The following GABRG3 variants were observed in gnomAD, a reference collection of about 807,000 sequenced individuals.
GABRG3 encodes the protein gamma-aminobutyric acid type A receptor subunit gamma3, also known as gamma-aminobutyric acid receptor subunit gamma-3.
A neutral mutation model predicts 48.8 loss-of-function variants in GABRG3; 25 were observed. The ratio of observed to expected loss-of-function variants is 0.51; its 90% CI spans 0.37 to 0.72. The LOEUF is 0.72. Ranked by LOEUF, GABRG3 falls within the 30% of genes least tolerant of loss-of-function variation. The probability of loss-of-function intolerance (pLI) is 0.00; values close to 1 mark genes in which losing one functional copy is unlikely to be tolerated. For missense variants in GABRG3, 394 were observed against 577.9 expected (o/e 0.68, Z 3.26); for synonymous variants, 227 against 217.6 (o/e 1.04, Z -0.38).
At chr15:27,421,565 T>A (rs1001679738) in intron 5 of GABRG3, among the ~76,000 whole-genome samples, 49 of 144,716 alleles carry the variant, frequency 3.4e-4, no homozygotes, top group African/African-American at 1.2e-3. Context: ...TCAATACTGT[T>A]TTAAGGCATC....
intron 3 of GABRG3, among the ~76,000 whole-genome samples, chr15:27,314,506 T>G (rs542823295): frequency 1.3e-5 from 2 of 152,240 alleles, no homozygotes; most frequent in Admixed American, 6.5e-5. Context: ...AGTATGGAGA[T>G]TCCTCAAAAA....
At chr15:27,392,049 G>A (rs774849149) in intron 5 of GABRG3, among the ~76,000 whole-genome samples, 2 of 152,114 alleles carry the variant, frequency 1.3e-5, no homozygotes, top group South Asian at 4.1e-4. Context: ...AATGATCTTT[G>A]TATTTTAGAA....
At chr15:27,169,440 G>A (rs1887489680) in intron 3 of GABRG3, among the ~76,000 whole-genome samples, 1 of 152,150 alleles carries the variant, frequency 6.6e-6, no homozygotes, top group South Asian at 2.1e-4. Context: ...GGGACGAGAA[G>A]CATGTTGGTA....
intron 3 of GABRG3, among the ~76,000 whole-genome samples, chr15:27,122,722 A>G (rs1361894102): frequency 2.0e-5 from 3 of 152,174 alleles, no homozygotes; most frequent in African/African-American, 4.8e-5. Context: ...CCTTACACCA[A>G]TGGTGTCAGT....
intron 3 of GABRG3, among the ~76,000 whole-genome samples, chr15:27,309,540 A>T (rs1407052199): frequency 6.6e-6 from 1 of 152,028 alleles, no homozygotes; most frequent in Non-Finnish European, 1.5e-5. Flanking sequence ...AAGAGGATAT[A>T]AGGATGACAA....
chr15:27,532,797 G>T lies in GABRG3; in HGVS notation c.1320G>T (p.Glu440Asp). The T allele has an allele frequency of 6.2e-7, 1 of 1,613,992 alleles. No homozygotes were observed. The highest frequency in any genetic ancestry group is 8.5e-7 in the Non-Finnish European group (1 of 1,179,884). Residue 440 changes from glutamate (E) to aspartate (D), a missense_variant, in exon 10 of 10, where the codon GAG becomes GAT. Glu to Asp is a conservative substitution (Grantham distance 45). Transcript: ENST00000615808. ...RKGRIHIDIL[E>D]LDSYSRVFFP... ...GGCGTATTCACATAGACATCTTGGAGCTGGACTCGTACTCCCGGGTCTTTT... is the reference window on the plus strand; with the variant it reads ...GGCGTATTCACATAGACATCTTGGATCTGGACTCGTACTCCCGGGTCTTTT...
At chr15:27,491,221 C>T (rs558746442) in intron 6 of GABRG3, among the ~76,000 whole-genome samples, 8 of 152,352 alleles carry the variant, frequency 5.3e-5, no homozygotes, top group East Asian at 1.9e-4. Flanking sequence ...CCCCACACTG[C>T]GGCCCCTGCC....
At chr15:26,985,980 T>G (rs1487876945) in intron 2 of GABRG3, among the ~76,000 whole-genome samples, 1 of 152,164 alleles carries the variant, frequency 6.6e-6, no homozygotes, top group Non-Finnish European at 1.5e-5. Context: ...CTCGATCCAC[T>G]GTGTCCTGAT....
At chr15:27,300,985 C>T (rs1892186301) in intron 3 of GABRG3, among the ~76,000 whole-genome samples, 1 of 151,908 alleles carries the variant, frequency 6.6e-6, no homozygotes, top group South Asian at 2.1e-4. Context: ...AACAAACAAA[C>T]AAAAACTTGT....
intron 3 of GABRG3, among the ~76,000 whole-genome samples, chr15:27,168,902 C>G (rs1426546914): frequency 6.6e-6 from 1 of 152,212 alleles, no homozygotes; most frequent in Non-Finnish European, 1.5e-5. Flanking sequence ...TAGCCAAGTT[C>G]TTGCAGAGGA....
intron 2 of GABRG3, among the ~76,000 whole-genome samples, chr15:27,020,664 C>A (rs1332547379): frequency 6.6e-6 from 1 of 152,010 alleles, no homozygotes; most frequent in Non-Finnish European, 1.5e-5. Flanking sequence ...TGATCCGCCC[C>A]CCTCTGCCTC....
chr15:26,987,408 A>G (rs1043549055), intron 2 of GABRG3, among the ~76,000 whole-genome samples: 6 of 152,248 alleles, frequency 3.9e-5, no homozygotes, highest in Non-Finnish European at 7.3e-5. Flanking sequence ...TCTGTAATTA[A>G]CATCCATATC....
chr15:27,527,430 C>G lies in GABRG3; in HGVS notation c.866-3C>G, dbSNP rs1443485715. On this transcript the variant is annotated splice_polypyrimidine_tract_variant and splice_region_variant and intron_variant, in intron 7 of 9. Transcript: ENST00000615808. ...TACAACATGCTACCCGTCCCCTGTT[C>G]AGGCATCACCACGGTGCTGACCATG... is the stretch of plus-strand genomic sequence containing the variant. The G allele has an allele frequency of 1.2e-6, 2 of 1,612,668 alleles. No individual in the cohort carries two copies. Among genetic ancestry groups the G allele is most frequent in the Non-Finnish European group, 8.5e-7 (1 of 1,179,310 alleles).
At chr15:27,144,197 C>T (rs1335869827) in intron 3 of GABRG3, among the ~76,000 whole-genome samples, 2 of 152,132 alleles carry the variant, frequency 1.3e-5, no homozygotes, top group Non-Finnish European at 2.9e-5. Flanking sequence ...AGTAAAATAT[C>T]TCAGTCTTGG....
At chr15:27,487,732 T>C (rs1031322328) in intron 6 of GABRG3, among the ~76,000 whole-genome samples, 2 of 152,218 alleles carry the variant, frequency 1.3e-5, no homozygotes, top group African/African-American at 4.8e-5. Context: ...AGAAGGAAAG[T>C]CTTAAATCTG....
At chr15:27,147,368 T>C (rs1444905800) in intron 3 of GABRG3, among the ~76,000 whole-genome samples, 2 of 152,048 alleles carry the variant, frequency 1.3e-5, no homozygotes, top group African/African-American at 4.8e-5. Flanking sequence ...AGTGGTTGGC[T>C]TGTTCAATAC....
Position 27,356,247 on chromosome 15 carries a change from A to G in GABRG3, c.574+27359A>G, listed in dbSNP as rs543852239. ...AACAGTGCCACCTGGAAGAAAAAAC[A>G]AAGATATGAGGGAAGGGTAGGGGGT... On this transcript the variant is annotated intron_variant, in intron 5 of 9. Transcript: ENST00000615808. Among the ~76,000 whole-genome samples, 14 of 152,290 alleles carry G rather than the reference A, an allele frequency of 9.2e-5. No homozygotes were observed. The South Asian group carries it at 2.9e-3, about 32-fold the overall frequency.
At chr15:27,430,994 A>C (rs1888432990) in intron 5 of GABRG3, among the ~76,000 whole-genome samples, 1 of 91,922 alleles carries the variant, frequency 1.1e-5, no homozygotes, top group South Asian at 3.9e-4. Flanking sequence ...TGTCTCAATA[A>C]ATAAATAAAT....
At chr15:27,059,101 G>C (rs1001963382) in intron 3 of GABRG3, among the ~76,000 whole-genome samples, 11 of 152,220 alleles carry the variant, frequency 7.2e-5, no homozygotes, top group Admixed American at 5.2e-4. Flanking sequence ...AGCATTTCAG[G>C]CTGGCAGGCT....
Sources: gnomAD v4.1 joint callset for allele counts (sites outside exome capture counted in the v4.1 genomes callset) on GRCh38, gnomAD v4.1.1 for gene constraint, MANE v1.5 for transcripts, NCBI Gene and HGNC (gene_info 2026-07-23, HGNC 2026-07-21) for gene names.